SFMBT2: variants seen among roughly 807,000 people sequenced by gnomAD.
SFMBT2 encodes the protein scm-like with four MBT domains protein 2.
In SFMBT2, 38 loss-of-function variants were observed where a neutral mutation model predicts 110.1. The observed-to-expected ratio is 0.35, with a 90% CI of 0.27 to 0.45. The LOEUF is 0.45. SFMBT2 is among the 20% of genes least tolerant of loss of function. SFMBT2 has a pLI of 1.00. For synonymous variants in SFMBT2, 425 were observed against 425.4 expected (o/e 1.00, Z 0.01); for missense variants, 1,011 against 1,094.9 (o/e 0.92, Z 1.08).
intron 7 of SFMBT2, among the ~76,000 whole-genome samples, chr10:7,269,538 C>T (rs1039923326): frequency 3.9e-5 from 6 of 152,196 alleles, no homozygotes; most frequent in South Asian, 2.1e-4. Context: ...ACTTCTGTCT[C>T]GTAACAGCTG....
intron 9 of SFMBT2, among the ~76,000 whole-genome samples, chr10:7,230,144 CTTCT>C (rs1840074155): frequency 6.6e-6 from 1 of 152,094 alleles, no homozygotes; most frequent in Non-Finnish European, 1.5e-5. Flanking sequence ...GGCAGGTCCC[CTTCT>C]TTCTTAAGAC....
At chr10:7,189,383 G>A (rs1588782450) in intron 15 of SFMBT2, among the ~76,000 whole-genome samples, 2 of 152,176 alleles carry the variant, frequency 1.3e-5, no homozygotes, top group South Asian at 2.1e-4. Context: ...CTACCATGGG[G>A]CTCAGAAAGA....
intron 17 of SFMBT2, among the ~76,000 whole-genome samples, chr10:7,174,742 A>G (rs952884257): frequency 2.0e-5 from 3 of 152,136 alleles, no homozygotes; most frequent in Non-Finnish European, 4.4e-5. Flanking sequence ...CTTACTCAGG[A>G]GCTGCTGTTT....
intron 9 of SFMBT2, among the ~76,000 whole-genome samples, chr10:7,235,363 C>T (rs1840222035): frequency 2.0e-5 from 3 of 152,182 alleles, no homozygotes; most frequent in Admixed American, 2.0e-4. Context: ...AATCAACAAT[C>T]ACAAACCACA....
At chr10:7,263,465 C>T (rs2131781049) in intron 7 of SFMBT2, among the ~76,000 whole-genome samples, 1 of 152,304 alleles carries the variant, frequency 6.6e-6, no homozygotes, top group South Asian at 2.1e-4. Context: ...TGGTCTCGAA[C>T]TCCTGACCTC....
intron 9 of SFMBT2, among the ~76,000 whole-genome samples, chr10:7,233,556 G>C (rs1840172002): frequency 6.6e-6 from 1 of 152,192 alleles, no homozygotes; most frequent in African/African-American, 2.4e-5. Flanking sequence ...GAAAGGAAAA[G>C]TGATACAATC....
At position 7,227,955 on chromosome 10, in the gene SFMBT2, C is replaced by G. The variant is rs1033069503; in HGVS notation, c.1121-18G>C. The G allele has an allele frequency of 6.4e-7, 1 of 1,556,966 alleles. No homozygotes were observed. Among genetic ancestry groups the G allele is most frequent in the African/African-American group, 1.4e-5 (1 of 71,380 alleles). ...AGAGTAACCTGGGAATGACAAAACACAGATAAAACAGCGCACATTAAGCAA... is the reference window on the plus strand; with the variant it reads ...AGAGTAACCTGGGAATGACAAAACAGAGATAAAACAGCGCACATTAAGCAA... On this transcript the variant is annotated intron_variant, in intron 9 of 20. Coordinates refer to ENST00000397167, the MANE Select transcript of SFMBT2 (RefSeq NM_001387889.1).
chr10:7,335,615 ACACAC>A (rs1402394955), intron 4 of SFMBT2, among the ~76,000 whole-genome samples: 1 of 151,442 alleles, frequency 6.6e-6, no homozygotes, highest in African/African-American at 2.4e-5. Context: ...ACACACACAC[ACACAC>A]AACCATATAC....
intron 1 of SFMBT2, among the ~76,000 whole-genome samples, chr10:7,388,170 A>C (rs888801977): frequency 6.6e-6 from 1 of 152,058 alleles, no homozygotes; most frequent in Non-Finnish European, 1.5e-5. Flanking sequence ...AACAAAACAA[A>C]ACAAAAAATT....
intron 4 of SFMBT2, among the ~76,000 whole-genome samples, chr10:7,289,559 G>C (rs1842202079): frequency 6.6e-6 from 1 of 152,174 alleles, no homozygotes; most frequent in African/African-American, 2.4e-5. Context: ...ATGAGCCACA[G>C]ACTACCTAAA....
At chr10:7,289,283 G>T (rs1286393948) in intron 4 of SFMBT2, among the ~76,000 whole-genome samples, 1 of 152,206 alleles carries the variant, frequency 6.6e-6, no homozygotes, top group South Asian at 2.1e-4. Context: ...TAACACAGAC[G>T]TCTATATCCA....
rs909041853 is a variant in SFMBT2, at chr10:7,164,177, A to G, written c.2545-267T>C. Reference sequence around the variant, plus strand: ...TGAGGCTGGAGGATCGCTTGAGACCAGGAGTTTGAGACAAGTCTGGGTAAC... The same window carrying G: ...TGAGGCTGGAGGATCGCTTGAGACCGGGAGTTTGAGACAAGTCTGGGTAAC... On this transcript the variant is annotated intron_variant, in intron 20 of 20. Transcript: ENST00000397167. 3 of 934,630 alleles carry G rather than the reference A, an allele frequency of 3.2e-6. No individual in the cohort carries two copies. The African/African-American group carries it at 5.3e-5, about 17-fold the overall frequency. The allele number at this position is 934,630 out of a possible 1,614,324, so 57.9% of individuals were successfully genotyped here.
intron 20 of SFMBT2, among the ~76,000 whole-genome samples, chr10:7,164,783 ACACACAC>A (rs1371501718): frequency 1.4e-4 from 21 of 147,538 alleles, no homozygotes; most frequent in Middle Eastern, 6.9e-3. Flanking sequence ...ACACACACAC[ACACACAC>A]ACCATTTACA....
chr10:7,373,283 A>G (rs1845108694), intron 2 of SFMBT2, among the ~76,000 whole-genome samples: 1 of 152,190 alleles, frequency 6.6e-6, no homozygotes, highest in South Asian at 2.1e-4. Context: ...TCTTTCTGCC[A>G]AGAGCGGGAA....
At chr10:7,400,057 G>A (rs189288836) in intron 1 of SFMBT2, among the ~76,000 whole-genome samples, 1 of 152,288 alleles carries the variant, frequency 6.6e-6, no homozygotes, top group Admixed American at 6.5e-5. Context: ...CAGGCTAAGG[G>A]GCAGGCAGGG....
intron 7 of SFMBT2, among the ~76,000 whole-genome samples, chr10:7,255,613 C>G (rs779526609): frequency 3.3e-4 from 51 of 152,314 alleles, no homozygotes; most frequent in Non-Finnish European, 6.8e-4. Flanking sequence ...TCACAGGCTA[C>G]TGTGGCAATG....
intron 17 of SFMBT2, among the ~76,000 whole-genome samples, chr10:7,173,506 G>A (rs1484104516): frequency 1.3e-5 from 2 of 152,180 alleles, no homozygotes; most frequent in African/African-American, 4.8e-5. Flanking sequence ...TTACATCATT[G>A]TATACTTTAT....
rs1257763445 is a variant in SFMBT2, at chr10:7,170,740, CTCTG to C, written c.2544+184_2544+187del. Among the ~76,000 whole-genome samples, 1 of 152,130 alleles carries C rather than the reference CTCTG, an allele frequency of 6.6e-6. No individual in the cohort carries two copies. On this transcript the variant is annotated intron_variant, in intron 20 of 20. Transcript: ENST00000397167. The surrounding 1 kb of genome is among the most constrained non-coding windows in gnomAD (Gnocchi z 4.6). ...GGGCCTGAGAGGAGCAGGAATGAGG[CTCTG>C]TCTCTCGTCCCTGCCAGGCAGCTCT...
intron 16 of SFMBT2, among the ~76,000 whole-genome samples, chr10:7,184,241 C>T (rs1164544204): frequency 1.2e-4 from 19 of 152,184 alleles, no homozygotes; most frequent in Admixed American, 1.2e-3. Context: ...TTGTAGCTCC[C>T]ATAATTCTCA....
Sources: allele counts gnomAD v4.1 joint callset (sites outside exome capture counted in the v4.1 genomes callset), GRCh38; gene constraint gnomAD v4.1.1; non-coding constraint Gnocchi (gnomAD v3.1); transcripts MANE v1.5; gene names NCBI Gene and HGNC (gene_info 2026-07-23, HGNC 2026-07-21).